GUCA1C: variants seen among roughly 807,000 people sequenced by gnomAD.
GUCA1C encodes the protein guanylate cyclase activator 1C, also known as guanylyl cyclase-activating protein 3.
Under a neutral mutation model 16.2 loss-of-function variants are expected in GUCA1C, and 15 were observed. The observed-to-expected ratio is 0.93, with a 90% CI of 0.62 to 1.43. The LOEUF (loss-of-function observed/expected upper bound fraction) is 1.43. GUCA1C is among the 40% of genes most tolerant of loss of function. The pLI is 0.00. For missense variants in GUCA1C, 275 were observed against 244.8 expected (o/e 1.12, Z -0.82); for synonymous variants, 78 against 85.4 (o/e 0.91, Z 0.48).
intron 1 of GUCA1C, among the ~76,000 whole-genome samples, chr3:108,933,592 C>T (rs1252447459): frequency 2.0e-5 from 3 of 152,174 alleles, no homozygotes; most frequent in African/African-American, 7.2e-5. Flanking sequence ...GTCAACATCA[C>T]TAATCTTCAG....
intron 1 of GUCA1C, among the ~76,000 whole-genome samples, chr3:108,928,435 G>C (rs950648215): frequency 6.6e-6 from 1 of 152,178 alleles, no homozygotes. Context: ...CAGAGCAGAA[G>C]TTTTTAATTT....
intron 2 of GUCA1C, among the ~76,000 whole-genome samples, chr3:108,917,843 TA>T (rs1216260249): frequency 1.3e-5 from 2 of 151,972 alleles, no homozygotes; most frequent in Non-Finnish European, 2.9e-5. Flanking sequence ...CAGGAGTTCA[TA>T]GACCAGCCTG....
chr3:108,955,184 T>C (rs1301478505), upstream of GUCA1C, among the ~76,000 whole-genome samples: 1 of 152,238 alleles, frequency 6.6e-6, no homozygotes, highest in Non-Finnish European at 1.5e-5. Context: ...GTAGCCATCA[T>C]GGCCTAAATG....
chr3:108,919,380 C>T (rs1377960476), intron 2 of GUCA1C, among the ~76,000 whole-genome samples: 2 of 151,960 alleles, frequency 1.3e-5, no homozygotes, highest in Non-Finnish European at 2.9e-5. Context: ...AAAATTTACA[C>T]GAGGTTGTGT....
chr3:108,954,735 CTTT>C (rs35104093), upstream of GUCA1C, among the ~76,000 whole-genome samples: 123 of 129,266 alleles, frequency 9.5e-4, no homozygotes, highest in Middle Eastern at 4.3e-3. Context: ...TATAGTTCTC[CTTT>C]TTTTTTTTTT....
At chr3:108,932,782 G>A (rs1325374272) in intron 1 of GUCA1C, among the ~76,000 whole-genome samples, 2 of 151,902 alleles carry the variant, frequency 1.3e-5, no homozygotes, top group African/African-American at 2.4e-5. Flanking sequence ...TTAGCCGGGC[G>A]TGGCGGCGCA....
chr3:108,941,765 G>C (rs559402267), intron 1 of GUCA1C, among the ~76,000 whole-genome samples: 1 of 152,310 alleles, frequency 6.6e-6, no homozygotes, highest in East Asian at 1.9e-4. Flanking sequence ...CCAGAAGCTG[G>C]AGGTATCATC....
chr3:108,953,550 A>C lies in GUCA1C; in HGVS notation c.204+9T>G. Reference sequence around the variant, plus strand: ...ATTTTCAAATGAAATGAAAAATGAAAGATCTTACCTTGTTCGTGTCAAAGG... The same window carrying C: ...ATTTTCAAATGAAATGAAAAATGAACGATCTTACCTTGTTCGTGTCAAAGG... On this transcript the variant is annotated intron_variant, in intron 1 of 3. Coordinates refer to ENST00000261047, the MANE Select transcript of GUCA1C (RefSeq NM_005459.4). The C allele has an allele frequency of 6.5e-7, 1 of 1,548,338 alleles. No homozygotes were observed. Among genetic ancestry groups the C allele is most frequent in the Non-Finnish European group, 8.9e-7 (1 of 1,120,450 alleles).
intron 1 of GUCA1C, among the ~76,000 whole-genome samples, chr3:108,946,097 T>C (rs1229033333): frequency 6.6e-6 from 1 of 152,188 alleles, no homozygotes; most frequent in African/African-American, 2.4e-5. Flanking sequence ...TTCCCTTAAC[T>C]GTAGTTAATC....
At chr3:108,924,654 TA>T (rs1170881924) in intron 1 of GUCA1C, among the ~76,000 whole-genome samples, 5 of 152,170 alleles carry the variant, frequency 3.3e-5, no homozygotes, top group Non-Finnish European at 5.9e-5. Context: ...ACTGGCTTAA[TA>T]GAAGGATTTA....
At chr3:108,945,977 C>T (rs923040764) in intron 1 of GUCA1C, among the ~76,000 whole-genome samples, 2 of 152,118 alleles carry the variant, frequency 1.3e-5, no homozygotes, top group Admixed American at 6.6e-5. Context: ...AATTGGCCAC[C>T]GCGCGAGTAT....
At chr3:108,928,998 A>T (rs1395984140) in intron 1 of GUCA1C, among the ~76,000 whole-genome samples, 1 of 152,212 alleles carries the variant, frequency 6.6e-6, no homozygotes, top group Non-Finnish European at 1.5e-5. Flanking sequence ...TTTGATTTGA[A>T]TTTCATTGAA....
chr3:108,931,886 T>A (rs1946670730), intron 1 of GUCA1C, among the ~76,000 whole-genome samples: 1 of 145,508 alleles, frequency 6.9e-6, no homozygotes, highest in Non-Finnish European at 1.5e-5. Context: ...TTTTTTTTTT[T>A]GAGACGGAGT....
At chr3:108,952,868 T>C (rs1030477077) in intron 1 of GUCA1C, among the ~76,000 whole-genome samples, 1 of 151,244 alleles carries the variant, frequency 6.6e-6, no homozygotes, top group Non-Finnish European at 1.5e-5. Context: ...TTGTCTCTCT[T>C]TTTTTTTTCA....
intron 3 of GUCA1C, among the ~76,000 whole-genome samples, chr3:108,910,252 A>G (rs1342777979): frequency 2.0e-5 from 3 of 152,104 alleles, no homozygotes; most frequent in African/African-American, 7.2e-5. Flanking sequence ...TAAACCCAGC[A>G]CTTTGGGAGG....
chr3:108,938,981 A>G (rs551785496), intron 1 of GUCA1C, among the ~76,000 whole-genome samples: 39 of 152,306 alleles, frequency 2.6e-4, no homozygotes, highest in African/African-American at 7.9e-4. Context: ...GGAAGGCAAG[A>G]CAATTGTCCA....
At chr3:108,945,119 TTC>T (rs755269659) in intron 1 of GUCA1C, among the ~76,000 whole-genome samples, 30 of 152,228 alleles carry the variant, frequency 2.0e-4, no homozygotes, top group Non-Finnish European at 3.5e-4. Flanking sequence ...AGCAAGTACT[TTC>T]CCGAGAATTG....
chr3:108,942,140 CAT>C (rs776228417), intron 1 of GUCA1C, among the ~76,000 whole-genome samples: 4 of 152,166 alleles, frequency 2.6e-5, no homozygotes, highest in Admixed American at 6.5e-5. Context: ...TCAGGTTCCT[CAT>C]GTGTAAATGC....
intron 3 of GUCA1C, among the ~76,000 whole-genome samples, chr3:108,912,351 C>G (rs1211226598): frequency 2.0e-5 from 3 of 151,852 alleles, no homozygotes; most frequent in Non-Finnish European, 2.9e-5. Flanking sequence ...GGTGGTAAAG[C>G]CTGCAGAATT....
Sources: allele counts gnomAD v4.1 joint callset (sites outside exome capture counted in the v4.1 genomes callset), GRCh38; gene constraint gnomAD v4.1.1; transcripts MANE v1.5; gene names NCBI Gene and HGNC (gene_info 2026-07-23, HGNC 2026-07-21).